Variants in PDE7B observed in about 807,000 individuals in gnomAD.
PDE7B encodes 3',5'-cyclic-AMP phosphodiesterase 7B.
PDE7B carries 29 observed loss-of-function variants against 56.2 expected under a neutral mutation model. That is an observed-to-expected ratio of 0.52 (90% CI 0.38 to 0.70). The LOEUF is 0.70. Among genes scored for constraint, PDE7B ranks in the 30% least tolerant of loss-of-function variants. PDE7B has a pLI of 0.00. For missense variants in PDE7B, 490 were observed against 565.0 expected, an observed-to-expected ratio of 0.87 and a Z score of 1.35; for synonymous variants, 197 against 196.9, an observed-to-expected ratio of 1.00 and a Z score of 0.00.
At position 136,143,297 on chromosome 6, in the gene PDE7B, G is replaced by A. The variant is rs118039075; in HGVS notation, c.167-4054G>A. Reference sequence around the variant, plus strand: ...TATTTATGGTAGGCCTAGGCAGGAGGATCACTTAAGCCCAGGATCATCAGC... The same window carrying A: ...TATTTATGGTAGGCCTAGGCAGGAGAATCACTTAAGCCCAGGATCATCAGC... On this transcript the variant is annotated intron_variant, in intron 3 of 12. Coordinates refer to ENST00000308191, the MANE Select transcript of PDE7B (RefSeq NM_018945.4). 2.5e-4 allele frequency among the ~76,000 whole-genome samples: 38 copies of A among 151,958 alleles called. No individual in the cohort carries two copies. The East Asian group carries it at 5.6e-3, about 22-fold the overall frequency.
chr6:136,074,660 T>C, intron 2 of PDE7B, among the ~76,000 whole-genome samples: 1 of 152,206 alleles, frequency 6.6e-6, no homozygotes, highest in African/African-American at 2.4e-5. Flanking sequence ...CACTGACAAA[T>C]AGGTGAGAAT....
intron 2 of PDE7B, among the ~76,000 whole-genome samples, chr6:136,086,063 C>G (rs1777287531): frequency 1.3e-5 from 2 of 152,148 alleles, no homozygotes; most frequent in Admixed American, 1.3e-4. Flanking sequence ...GTATTTTTAA[C>G]CTTTGTCCAA....
At chr6:136,164,240 A>G (rs925392176) in intron 8 of PDE7B, among the ~76,000 whole-genome samples, 3 of 152,184 alleles carry the variant, frequency 2.0e-5, no homozygotes, top group Non-Finnish European at 4.4e-5. Flanking sequence ...GGCAGGAAGG[A>G]GAAGTGCCAA....
intron 1 of PDE7B, among the ~76,000 whole-genome samples, chr6:135,916,368 TTTTTC>T (rs1204502963): frequency 1.7e-4 from 25 of 146,594 alleles, no homozygotes; most frequent in African/African-American, 4.9e-4. Flanking sequence ...TTTTGCCCTT[TTTTTC>T]TTTTCTTTTC....
intron 4 of PDE7B, 87 bp downstream of exon 4, chr6:136,147,589 C>A: frequency 1.8e-6 from 2 of 1,128,344 alleles, no homozygotes; most frequent in South Asian, 1.4e-5. Context: ...GAGTCCTACT[C>A]TGCCTCTGAG....
chr6:136,017,054 G>T (rs991434903), intron 2 of PDE7B, among the ~76,000 whole-genome samples: 1 of 152,190 alleles, frequency 6.6e-6, no homozygotes, highest in Non-Finnish European at 1.5e-5. Context: ...TTTGAAAGCC[G>T]TAGTAGCCTG....
chr6:135,871,756 C>T (rs1265173039), intron 1 of PDE7B, among the ~76,000 whole-genome samples: 8 of 145,658 alleles, frequency 5.5e-5, no homozygotes, highest in South Asian at 2.2e-4. Context: ...TCAATGTTGT[C>T]GTAAGGATAG....
intron 2 of PDE7B, among the ~76,000 whole-genome samples, chr6:135,972,233 CAAAAAAAAAAAAAAAA>C (rs72005772): frequency 9.2e-5 from 6 of 65,190 alleles, no homozygotes; most frequent in South Asian, 1.8e-3. Flanking sequence ...AAACTGTTCT[CAAAAAAAAAAAAAAAA>C]AAAAAAAAAA....
chr6:135,885,014 G>A (rs1010806370), intron 1 of PDE7B, among the ~76,000 whole-genome samples: 2 of 152,058 alleles, frequency 1.3e-5, no homozygotes, highest in African/African-American at 4.8e-5. Context: ...AAAGCCAGGG[G>A]GATTTCCATG....
intron 1 of PDE7B, among the ~76,000 whole-genome samples, chr6:135,946,286 T>C (rs1774594779): frequency 6.6e-6 from 1 of 151,384 alleles, no homozygotes; most frequent in Non-Finnish European, 1.5e-5. Context: ...ACATATTATA[T>C]ATATATGTTT....
intron 8 of PDE7B, 33 bp downstream of exon 8, chr6:136,155,791 A>G: frequency 1.2e-6 from 2 of 1,610,814 alleles, no homozygotes; most frequent in Non-Finnish European, 1.7e-6. Flanking sequence ...CAGCCACAGT[A>G]TGGTCAATCG....
At chr6:136,172,689 T>C (rs1477669748) in intron 8 of PDE7B, among the ~76,000 whole-genome samples, 1 of 152,000 alleles carries the variant, frequency 6.6e-6, no homozygotes, top group Non-Finnish European at 1.5e-5. Context: ...TTTTGGTGTT[T>C]TAGACATGAA....
intron 3 of PDE7B, among the ~76,000 whole-genome samples, chr6:136,115,248 C>T (rs937436173): frequency 5.9e-5 from 9 of 151,884 alleles, no homozygotes; most frequent in South Asian, 2.1e-4. Context: ...TATGCATCTA[C>T]GGGATTCAGA....
At chr6:136,152,568 C>T (rs1045497535) in intron 6 of PDE7B, among the ~76,000 whole-genome samples, 1 of 152,190 alleles carries the variant, frequency 6.6e-6, no homozygotes, top group African/African-American at 2.4e-5. Flanking sequence ...CACCATCTTT[C>T]CACTGAACTC....
intron 2 of PDE7B, among the ~76,000 whole-genome samples, chr6:135,964,522 A>T (rs1383804091): frequency 1.3e-5 from 2 of 152,346 alleles, no homozygotes; most frequent in East Asian, 3.9e-4. Context: ...AGCAGTGTCA[A>T]GTAACAGTCA....
At chr6:136,008,405 C>T (rs1775826648) in intron 2 of PDE7B, among the ~76,000 whole-genome samples, 1 of 152,198 alleles carries the variant, frequency 6.6e-6, no homozygotes, top group Non-Finnish European at 1.5e-5. Flanking sequence ...TGAGGAATCG[C>T]CACACTGACG....
At chr6:136,005,025 A>T (rs1775751877) in intron 2 of PDE7B, among the ~76,000 whole-genome samples, 1 of 152,240 alleles carries the variant, frequency 6.6e-6, no homozygotes, top group Non-Finnish European at 1.5e-5. Flanking sequence ...AATGGAACAG[A>T]ACAGAGCTCT....
chr6:135,886,877 A>T (rs1431481662), intron 1 of PDE7B, among the ~76,000 whole-genome samples: 1 of 152,142 alleles, frequency 6.6e-6, no homozygotes, highest in African/African-American at 2.4e-5. Flanking sequence ...CTTTGGGTAG[A>T]TACCCAGTAG....
At chr6:135,881,284 T>G (rs1382563244) in intron 1 of PDE7B, among the ~76,000 whole-genome samples, 3 of 147,930 alleles carry the variant, frequency 2.0e-5, no homozygotes, top group Non-Finnish European at 3.0e-5. Flanking sequence ...GATCACAAGG[T>G]CAAGAGATCG....
Sources: allele counts gnomAD v4.1 joint callset (sites outside exome capture counted in the v4.1 genomes callset), GRCh38; gene constraint gnomAD v4.1.1; transcripts MANE v1.5; gene names NCBI Gene and HGNC (gene_info 2026-07-23, HGNC 2026-07-21).